Variants in ROBO1 observed in about 807,000 individuals in gnomAD.
ROBO1 encodes the protein roundabout guidance receptor 1.
ROBO1 carries 149 observed loss-of-function variants against 195.9 expected under a neutral mutation model. The observed-to-expected ratio is 0.76, with a 90% CI of 0.67 to 0.87. ROBO1 has a LOEUF of 0.87. ROBO1 is among the 40% of genes least tolerant of loss of function. The pLI, the probability that ROBO1 is intolerant of heterozygous loss-of-function variation, is 0.00. For synonymous variants in ROBO1, 816 were observed against 733.2 expected, an observed-to-expected ratio of 1.11 and a Z score of -1.82; for missense variants, 1,933 against 2,068.3, an observed-to-expected ratio of 0.93 and a Z score of 1.27.
chr3:79,059,053 A>T (rs1460596312), intron 3 of ROBO1, among the ~76,000 whole-genome samples: 1 of 152,094 alleles, frequency 6.6e-6, no homozygotes, highest in East Asian at 1.9e-4. Context: ...GATTTAAGAC[A>T]GTCTGTTATT....
At chr3:79,576,508 C>CA (rs1245081404) in intron 2 of ROBO1, among the ~76,000 whole-genome samples, 1 of 151,884 alleles carries the variant, frequency 6.6e-6, no homozygotes, top group East Asian at 1.9e-4. Context: ...ACCACCAGCA[C>CA]AAAGTAAATA....
intron 3 of ROBO1, among the ~76,000 whole-genome samples, chr3:79,055,068 A>T (rs1434660953): frequency 6.6e-6 from 1 of 151,966 alleles, no homozygotes; most frequent in Non-Finnish European, 1.5e-5. Flanking sequence ...AATTTTCCCC[A>T]TGGGGGTCAC....
chr3:79,355,725 G>A (rs1009935650), intron 2 of ROBO1, among the ~76,000 whole-genome samples: 2 of 152,072 alleles, frequency 1.3e-5, no homozygotes, highest in African/African-American at 4.8e-5. Flanking sequence ...CCATGTCGCT[G>A]CAAATTACAG....
chr3:78,988,777 T>G (rs2077170344), intron 3 of ROBO1, among the ~76,000 whole-genome samples: 1 of 152,190 alleles, frequency 6.6e-6, no homozygotes, highest in African/African-American at 2.4e-5. Context: ...GCAATTATTT[T>G]GCAAACCAAA....
At chr3:79,552,316 T>G (rs114665909) in intron 2 of ROBO1, among the ~76,000 whole-genome samples, 2,572 of 152,154 alleles carry the variant, frequency 0.017, 47 homozygotes, top group Middle Eastern at 0.078. Context: ...GATTCAAGGT[T>G]TTTTTCAGTT....
chr3:79,654,822 T>C (rs1218185464), intron 1 of ROBO1, among the ~76,000 whole-genome samples: 1 of 152,042 alleles, frequency 6.6e-6, no homozygotes, highest in African/African-American at 2.4e-5. Flanking sequence ...GATTGACTGT[T>C]CTGATAAACT....
chr3:79,625,741 A>G (rs961686706), intron 1 of ROBO1, among the ~76,000 whole-genome samples: 8 of 152,254 alleles, frequency 5.3e-5, no homozygotes, highest in African/African-American at 1.9e-4. Flanking sequence ...AAAAAAGACG[A>G]GGACCAGATG....
chr3:78,620,528 A>C (rs1575788107), intron 26 of ROBO1, among the ~76,000 whole-genome samples: 1 of 152,306 alleles, frequency 6.6e-6, no homozygotes, highest in Admixed American at 6.5e-5. Context: ...AAAGAAGAAA[A>C]ACATTTTCTG....
chr3:78,617,605 C>T, intron 27 of ROBO1, 30 bp downstream of exon 27: 2 of 1,563,576 alleles, frequency 1.3e-6, no homozygotes, highest in Middle Eastern at 1.8e-4. Flanking sequence ...AGTTTTCTTT[C>T]CCAGCTTGGT....
chr3:79,603,876 T>C (rs547930668), intron 1 of ROBO1, among the ~76,000 whole-genome samples: 2 of 152,016 alleles, frequency 1.3e-5, no homozygotes, highest in East Asian at 3.9e-4. Flanking sequence ...TATAGAATAA[T>C]AGGGGATAAA....
chr3:79,616,228 A>G (rs1944815308), intron 1 of ROBO1, among the ~76,000 whole-genome samples: 1 of 152,172 alleles, frequency 6.6e-6, no homozygotes, highest in South Asian at 2.1e-4. Flanking sequence ...CTGGCATCAT[A>G]CTGGTTGTGT....
chr3:79,384,135 C>A (rs1030558473), intron 2 of ROBO1, among the ~76,000 whole-genome samples: 3 of 151,872 alleles, frequency 2.0e-5, no homozygotes, highest in Non-Finnish European at 2.9e-5. Flanking sequence ...GATAGTTTAA[C>A]TTGACATTTA....
At chr3:79,355,580 C>T (rs894383818) in intron 2 of ROBO1, among the ~76,000 whole-genome samples, 10 of 152,144 alleles carry the variant, frequency 6.6e-5, no homozygotes, top group Admixed American at 2.0e-4. Flanking sequence ...CTCCTCTCCC[C>T]GTCCTCTGGT....
At position 78,607,031 on chromosome 3, in the gene ROBO1, T is replaced by C. The variant is rs750300230; in HGVS notation, c.4446A>G (p.Pro1482=). 1 of 1,607,808 alleles carries C rather than the reference T, an allele frequency of 6.2e-7. No individual in the cohort carries two copies. The highest frequency in any genetic ancestry group is 1.7e-5 in the Admixed American group (1 of 59,430). Residue 1482 remains proline, a synonymous_variant, in exon 29 of 31, where the codon CCA becomes CCG. Transcript: ENST00000464233. ...TTATAGCAGGTGGCGGCACAGGAGG[T>C]GGTGGAAGATCTAAAAAGAAACATT... ...RRETYTDDLP[P]PPVPPPAIKS... is the part of the protein sequence containing the mutation.
intron 8 of ROBO1, among the ~76,000 whole-genome samples, chr3:78,691,791 C>T (rs1202125975): frequency 6.6e-6 from 1 of 152,144 alleles, no homozygotes; most frequent in African/African-American, 2.4e-5. Flanking sequence ...AGATTCTCCT[C>T]TTAATTAACA....
intron 1 of ROBO1, among the ~76,000 whole-genome samples, chr3:79,659,104 T>A (rs539365012): frequency 4.7e-4 from 71 of 152,184 alleles, no homozygotes; most frequent in South Asian, 1.5e-3. Flanking sequence ...CATCTACGTA[T>A]CATAATATAA....
At chr3:79,221,138 G>A (rs1390368489) in intron 2 of ROBO1, among the ~76,000 whole-genome samples, 1 of 152,090 alleles carries the variant, frequency 6.6e-6, no homozygotes, top group East Asian at 1.9e-4. Flanking sequence ...CCAATCATAG[G>A]CAATTATGGA....
chr3:79,709,328 T>G (rs1389963557), intron 1 of ROBO1, among the ~76,000 whole-genome samples: 1 of 152,150 alleles, frequency 6.6e-6, no homozygotes, highest in Non-Finnish European at 1.5e-5. Flanking sequence ...TTTATATAAT[T>G]AGTCTAATAT....
chr3:78,819,944 A>G (rs930481177), intron 4 of ROBO1, among the ~76,000 whole-genome samples: 4 of 152,216 alleles, frequency 2.6e-5, no homozygotes, highest in Admixed American at 6.5e-5. Context: ...GCTAAGATCC[A>G]TTATCCCCAA....
Sources: gnomAD v4.1 joint callset for allele counts (sites outside exome capture counted in the v4.1 genomes callset) on GRCh38, gnomAD v4.1.1 for gene constraint, MANE v1.5 for transcripts, NCBI Gene and HGNC (gene_info 2026-07-23, HGNC 2026-07-21) for gene names.